The following KIF13A variants were observed in gnomAD, a reference collection of about 807,000 sequenced individuals.
KIF13A encodes the protein kinesin-like protein KIF13A.
In KIF13A, 79 loss-of-function variants were observed where a neutral mutation model predicts 212.2. The ratio of observed to expected loss-of-function variants is 0.37; its 90% CI spans 0.31 to 0.45. The LOEUF (loss-of-function observed/expected upper bound fraction) is 0.45. Ranked by LOEUF, KIF13A falls within the 20% of genes least tolerant of loss-of-function variation. The pLI, the probability that KIF13A is intolerant of heterozygous loss-of-function variation, is 1.00. For synonymous variants in KIF13A, 789 were observed against 808.6 expected, an observed-to-expected ratio of 0.98 and a Z score of 0.41; for missense variants, 1,901 against 2,209.0, an observed-to-expected ratio of 0.86 and a Z score of 2.79.
chr6:17,822,043 C>CT (rs565299308), intron 16 of KIF13A: 51,994 of 579,984 alleles, frequency 0.09, 440 homozygotes, highest in East Asian at 0.14. Flanking sequence ...AACATAACTT[C>CT]TTTTTTTTTT....
chr6:17,914,766 C>T lies in KIF13A; in HGVS notation c.147-16586G>A, dbSNP rs1427294576. ...GCTGCAATTCCCAGTTTGGGCGAGC[C>T]TAGTAAGAAACTCACCCTGCGTTAA... On this transcript the variant is annotated intron_variant, in intron 2 of 38. Coordinates refer to ENST00000259711, the MANE Select transcript of KIF13A (RefSeq NM_022113.6). This position sits in a 1 kb window ranked among gnomAD's most constrained non-coding sequence, Gnocchi z 5.9. Among the ~76,000 whole-genome samples, 1 of 152,094 alleles carries T rather than the reference C, an allele frequency of 6.6e-6. No individual in the cohort carries two copies. The highest frequency in any genetic ancestry group is 1.5e-5 in the Non-Finnish European group (1 of 68,022).
Position 17,985,639 on chromosome 6 carries a change from GT to G in KIF13A, c.146+1414del, listed in dbSNP as rs1219277536. On this transcript the variant is annotated intron_variant, in intron 2 of 38. Coordinates refer to ENST00000259711, the MANE Select transcript of KIF13A (RefSeq NM_022113.6). The stretch of plus-strand genomic sequence containing the variant: ...GAAACAATATGCAGTTTGCGGGGGG[GT>G]GGGGGGAGGGGACATTCGTTGGTGA... 2.0e-3 allele frequency among the ~76,000 whole-genome samples: 194 copies of G among 98,556 alleles called. 1 individual carries two copies. Among genetic ancestry groups the G allele is most frequent in the African/African-American group, 7.5e-3 (162 of 21,672 alleles). The allele number at this position is 98,556 out of a possible 152,430, so 64.7% of individuals were successfully genotyped here. A position where few individuals can be genotyped will look rare whatever the true frequency, so the allele number is the denominator to read the frequency against.
rs1272936536 is a variant in KIF13A at position 17,934,180 on chromosome 6, G to T, written c.147-36000C>A. 6.6e-6 allele frequency among the ~76,000 whole-genome samples: 1 copy of T among 151,986 alleles called. No individual in the cohort carries two copies. The highest frequency in any genetic ancestry group is 1.9e-4 in the East Asian group (1 of 5,172). Reference sequence around the variant, plus strand: ...CACAGTTTCTTCGTAATTACAAAAGGCACCTCTTTCCATCTCTCACACTAC... The same window carrying T: ...CACAGTTTCTTCGTAATTACAAAAGTCACCTCTTTCCATCTCTCACACTAC... On this transcript the variant is annotated intron_variant, in intron 2 of 38. Transcript: ENST00000259711. This position sits in a 1 kb window ranked among gnomAD's most constrained non-coding sequence, Gnocchi z 5.4.
At chr6:17,857,695 T>A (rs1027831452) in intron 4 of KIF13A, among the ~76,000 whole-genome samples, 32 of 152,308 alleles carry the variant, frequency 2.1e-4, no homozygotes, top group African/African-American at 7.5e-4. Context: ...TTTCATAAGC[T>A]GCATATGGTG....
intron 2 of KIF13A, among the ~76,000 whole-genome samples, chr6:17,957,640 C>T (rs1235650580): frequency 3.3e-5 from 5 of 152,118 alleles, no homozygotes; most frequent in African/African-American, 9.7e-5. Flanking sequence ...GCCCTCAACC[C>T]GTGGGATCTG....
In KIF13A at chr6:17,849,620, C is replaced by G. The variant is rs987670705; in HGVS notation, c.718-131G>C. ...ATGGCAAATTTCTTAAGTTTTTAAACGGTCAGAAGAGTTATTTGAACCAGC... is the reference window on the plus strand; with the variant it reads ...ATGGCAAATTTCTTAAGTTTTTAAAGGGTCAGAAGAGTTATTTGAACCAGC... On this transcript the variant is annotated intron_variant, in intron 8 of 38. Transcript: ENST00000259711. This position sits in a 1 kb window ranked among gnomAD's most constrained non-coding sequence, Gnocchi z 5.7. 1.8e-6 allele frequency: 1 copy of G among 567,604 alleles called. No homozygotes were observed. Among genetic ancestry groups the G allele is most frequent in the African/African-American group, 1.9e-5 (1 of 51,648 alleles). The allele number at this position is 567,604 out of a possible 1,614,324, so 35.2% of individuals were successfully genotyped here. A position where few individuals can be genotyped will look rare whatever the true frequency, so the allele number is the denominator to read the frequency against.
At chr6:17,921,595 A>G (rs1775075097) in intron 2 of KIF13A, among the ~76,000 whole-genome samples, 1 of 152,196 alleles carries the variant, frequency 6.6e-6, no homozygotes, top group Non-Finnish European at 1.5e-5. Flanking sequence ...AAATGAGACA[A>G]TGGGTGTGCC....
chr6:17,930,654 G>C (rs962591174), intron 2 of KIF13A, among the ~76,000 whole-genome samples: 1 of 152,156 alleles, frequency 6.6e-6, no homozygotes, highest in African/African-American at 2.4e-5. Flanking sequence ...CCTTCCCTGG[G>C]ACAGAAAATC....
Position 17,968,728 on chromosome 6 carries a change from G to T in KIF13A, c.146+18326C>A, listed in dbSNP as rs558891131. Among the ~76,000 whole-genome samples the T allele has an allele frequency of 1.3e-5, 2 of 152,314 alleles. No individual in the cohort carries two copies. The highest frequency in any genetic ancestry group is 4.1e-4 in the South Asian group (2 of 4,830). On this transcript the variant is annotated intron_variant, in intron 2 of 38. Transcript: ENST00000259711. The surrounding 1 kb of genome is among the most constrained non-coding windows in gnomAD (Gnocchi z 4.7). ...CTCTGCCTGTCAGCCAAAGGCAGTA[G>T]CAGCCAAAGCTGTAAGGGTCCAGAG...
intron 2 of KIF13A, among the ~76,000 whole-genome samples, chr6:17,923,274 CTAAATAAA>C (rs34093488): frequency 0.042 from 6,103 of 145,434 alleles, 144 homozygotes; most frequent in African/African-American, 0.058. Flanking sequence ...AACACTGTCC[CTAAATAAA>C]TAAATAAATA....
Position 17,873,177 on chromosome 6 carries a change from G to A in KIF13A, c.220+200C>T, listed in dbSNP as rs1038691445. On this transcript the variant is annotated intron_variant, in intron 4 of 38. Coordinates refer to ENST00000259711, the MANE Select transcript of KIF13A (RefSeq NM_022113.6). ...ACAATTTGAAGCTTAATAAAAATCT[G>A]TTCAAGGATTTTACAAGTAAGTGGC... The A allele has an allele frequency of 7.8e-6, 4 of 510,876 alleles. No individual in the cohort carries two copies. The African/African-American group carries it at 7.9e-5, about 10-fold the overall frequency. 31.6% of individuals were successfully genotyped at this position (510,876 alleles called of 1,614,324 possible). A position where few individuals can be genotyped will look rare whatever the true frequency, so the allele number is the denominator to read the frequency against.
intron 2 of KIF13A, among the ~76,000 whole-genome samples, chr6:17,981,012 T>C (rs1781021724): frequency 7.0e-6 from 1 of 142,748 alleles, no homozygotes; most frequent in South Asian, 2.2e-4. Context: ...GGGAAAGAAA[T>C]GAAGAGGGGG....
rs764985641 is a variant in KIF13A at position 17,886,445 on chromosome 6, C to T, written c.159+11723G>A. 1.3e-5 allele frequency among the ~76,000 whole-genome samples: 2 copies of T among 152,202 alleles called. No individual in the cohort carries two copies. ...GAAGAGTTCACACTGCTGCGGCTGA[C>T]TCGGGCCAAGTGGGAGCCAAGAGAC... On this transcript the variant is annotated intron_variant, in intron 3 of 38. Transcript: ENST00000259711. This position sits in a 1 kb window ranked among gnomAD's most constrained non-coding sequence, Gnocchi z 5.6.
rs568031794 is a variant in KIF13A, at chr6:17,946,129, TA to T, written c.146+40924del. Among the ~76,000 whole-genome samples the T allele has an allele frequency of 3.0e-3, 453 of 151,916 alleles. 1 individual carries two copies. Among genetic ancestry groups the T allele is most frequent in the Non-Finnish European group, 4.7e-3 (318 of 67,926 alleles). On this transcript the variant is annotated intron_variant, in intron 2 of 38. Transcript: ENST00000259711. ...CATGACACATACAGCATTAACCCTT[TA>T]AAAAAAATAGGGATGAAGTCTTGCT...
intron 25 of KIF13A, among the ~76,000 whole-genome samples, chr6:17,793,196 T>C (rs1761742739): frequency 6.6e-6 from 1 of 152,096 alleles, no homozygotes; most frequent in African/African-American, 2.4e-5. Context: ...CTGTCATGCC[T>C]CAGCCTCCTG....
chr6:17,925,667 T>C (rs540347535), intron 2 of KIF13A, among the ~76,000 whole-genome samples: 1 of 152,330 alleles, frequency 6.6e-6, no homozygotes, highest in Non-Finnish European at 1.5e-5. Context: ...ATCAACAGTA[T>C]GTGCTTCAGT....
chr6:17,772,030 T>C lies in KIF13A; in HGVS notation c.4354A>G (p.Thr1452Ala), dbSNP rs569875205. 6.2e-7 allele frequency: 1 copy of C among 1,613,890 alleles called. No individual in the cohort carries two copies. The highest frequency in any genetic ancestry group is 1.7e-5 in the Admixed American group (1 of 60,014). ...GCTSETPHAL[T>A]VSPFKAFSPQ... Reference sequence around the variant, plus strand: ...GAGAATGCTTTAAAAGGGCTGACGGTTAAGGCATGAGGAGTCTCTGATGTA... The same window carrying C: ...GAGAATGCTTTAAAAGGGCTGACGGCTAAGGCATGAGGAGTCTCTGATGTA... The change falls in exon 37 of 39, where the codon ACC becomes GCC. Residue 1452 changes from threonine to alanine, a missense_variant. Around this residue, in one of 5 missense-constraint regions of KIF13A, gnomAD observed 687 missense variants for 759.1 expected, o/e 0.90. Coordinates refer to ENST00000259711, the MANE Select transcript of KIF13A (RefSeq NM_022113.6). This position sits in a 1 kb window ranked among gnomAD's most constrained non-coding sequence, Gnocchi z 4.8.
chr6:17,966,178 A>C (rs1002621336), intron 2 of KIF13A, among the ~76,000 whole-genome samples: 2 of 152,224 alleles, frequency 1.3e-5, no homozygotes, highest in Admixed American at 6.5e-5. Flanking sequence ...TGGGTGACAG[A>C]GTGAGATTCT....
intron 2 of KIF13A, among the ~76,000 whole-genome samples, chr6:17,985,883 T>C (rs6905251): frequency 1.9e-3 from 289 of 152,282 alleles, no homozygotes; most frequent in Middle Eastern, 0.017. Context: ...CACCAGAATC[T>C]GCTAAAGGTA....
Sources: gnomAD v4.1 joint callset for allele counts (sites outside exome capture counted in the v4.1 genomes callset) on GRCh38, gnomAD v4.1.1 for gene constraint, gnomAD v4.1.1 regional missense constraint, Gnocchi (gnomAD v3.1) non-coding constraint, MANE v1.5 for transcripts, NCBI Gene and HGNC (gene_info 2026-07-23, HGNC 2026-07-21) for gene names.